The following TBC1D22A variants were observed in gnomAD, a reference collection of about 807,000 sequenced individuals.
TBC1D22A encodes the protein putative GTPase activator.
TBC1D22A carries 38 observed loss-of-function variants against 60.2 expected under a neutral mutation model. The observed-to-expected ratio is 0.63, with a 90% CI of 0.49 to 0.83. The LOEUF (loss-of-function observed/expected upper bound fraction) is 0.83. TBC1D22A is among the 40% of genes least tolerant of loss of function. TBC1D22A has a pLI of 0.00. For missense variants in TBC1D22A, 628 were observed against 701.0 expected, an observed-to-expected ratio of 0.90 and a Z score of 1.18; for synonymous variants, 302 against 281.7, an observed-to-expected ratio of 1.07 and a Z score of -0.72.
At position 47,009,652 on chromosome 22, in the gene TBC1D22A, T is replaced by C. The variant is rs117013501; in HGVS notation, c.1201+11943T>C. Among the ~76,000 whole-genome samples, 47 of 152,026 alleles carry C rather than the reference T, an allele frequency of 3.1e-4. No homozygotes were observed. The highest frequency in any genetic ancestry group is 5.3e-4 in the Non-Finnish European group (36 of 67,976). ...CATTTCATCACCGTCATCATTACCATCATCACCATCATCATCACTATCACC... is the reference window on the plus strand; with the variant it reads ...CATTTCATCACCGTCATCATTACCACCATCACCATCATCATCACTATCACC... On this transcript the variant is annotated intron_variant, in intron 10 of 12. Transcript: ENST00000337137. The surrounding 1 kb of genome is among the most constrained non-coding windows in gnomAD (Gnocchi z 5.8).
intron 4 of TBC1D22A, among the ~76,000 whole-genome samples, chr22:46,814,766 C>G (rs2085522098): frequency 2.0e-5 from 3 of 151,820 alleles, no homozygotes; most frequent in African/African-American, 7.3e-5. Context: ...CCTGCATCAG[C>G]TCCCGAGTAG....
chr22:46,995,085 G>A (rs143875244), intron 9 of TBC1D22A, among the ~76,000 whole-genome samples: 174 of 152,290 alleles, frequency 1.1e-3, no homozygotes, highest in African/African-American at 3.9e-3. Context: ...ATTAAACACC[G>A]TATTTTGGAC....
chr22:47,111,200 G>GTCTCT (rs763408904), intron 11 of TBC1D22A, among the ~76,000 whole-genome samples: 3 of 152,196 alleles, frequency 2.0e-5, no homozygotes, highest in Non-Finnish European at 4.4e-5. Flanking sequence ...CGTTGAATTT[G>GTCTCT]TCTCTTATCC....
intron 11 of TBC1D22A, among the ~76,000 whole-genome samples, chr22:47,091,352 G>T (rs989892379): frequency 8.5e-6 from 1 of 117,564 alleles, no homozygotes; most frequent in South Asian, 3.3e-4. Flanking sequence ...TCGTCTTTGG[G>T]GGGAGTGGCC....
intron 1 of TBC1D22A, among the ~76,000 whole-genome samples, chr22:46,771,663 CA>C (rs112604238): frequency 4.2e-4 from 64 of 151,440 alleles, no homozygotes; most frequent in African/African-American, 1.5e-3. Context: ...GGCGCGATCT[CA>C]GCTCATTGCA....
intron 11 of TBC1D22A, among the ~76,000 whole-genome samples, chr22:47,105,137 C>A (rs1191578414): frequency 6.6e-6 from 1 of 151,660 alleles, no homozygotes; most frequent in Non-Finnish European, 1.5e-5. Flanking sequence ...GAGTTTGATT[C>A]TTTTCGTCAA....
chr22:46,929,742 G>C (rs1950877926), intron 8 of TBC1D22A, among the ~76,000 whole-genome samples: 1 of 152,178 alleles, frequency 6.6e-6, no homozygotes, highest in Admixed American at 6.5e-5. Flanking sequence ...ATGCATGTAT[G>C]TGCATGCATG....
At chr22:46,974,172 G>A in intron 8 of TBC1D22A, 118 bp from the exon 9 acceptor site, 2 of 759,686 alleles carry the variant, frequency 2.6e-6, no homozygotes, top group East Asian at 5.4e-5. Context: ...CTAGACTGAT[G>A]AGAGTGGGTG....
intron 10 of TBC1D22A, among the ~76,000 whole-genome samples, chr22:46,999,559 A>C (rs2075239891): frequency 1.3e-5 from 2 of 152,162 alleles, no homozygotes; most frequent in African/African-American, 4.8e-5. Flanking sequence ...ATCATCCCTG[A>C]GCAAACTTGG....
intron 4 of TBC1D22A, among the ~76,000 whole-genome samples, chr22:46,808,371 A>T (rs2085240168): frequency 6.6e-6 from 1 of 152,208 alleles, no homozygotes; most frequent in Non-Finnish European, 1.5e-5. Flanking sequence ...AAATAAAAAA[A>T]AATAAAAAAA....
chr22:46,904,972 C>T (rs1261376415), intron 7 of TBC1D22A, among the ~76,000 whole-genome samples: 4 of 151,618 alleles, frequency 2.6e-5, no homozygotes, highest in Admixed American at 2.6e-4. Flanking sequence ...GACGGGGTTT[C>T]ACCGTGTTAG....
chr22:46,956,376 G>A (rs879297363), intron 8 of TBC1D22A, among the ~76,000 whole-genome samples: 2 of 152,202 alleles, frequency 1.3e-5, no homozygotes, highest in Non-Finnish European at 2.9e-5. Context: ...ACTAGGTCAG[G>A]AGATCGAGAC....
chr22:46,935,977 G>A (rs906802837), intron 8 of TBC1D22A, among the ~76,000 whole-genome samples: 8 of 152,196 alleles, frequency 5.3e-5, no homozygotes, highest in Non-Finnish European at 1.2e-4. Context: ...ACTCTGAAGC[G>A]CTGTGCTTAT....
chr22:46,884,109 A>G lies in TBC1D22A; in HGVS notation c.708+5386A>G, dbSNP rs564871067. On this transcript the variant is annotated intron_variant, in intron 5 of 12. Transcript: ENST00000337137. ...AACATTCCGCCCTCGTGGACCTCAC[A>G]TTTTGGTGGGAGAAGACAAACAATA... is the stretch of plus-strand genomic sequence containing the variant. Among the ~76,000 whole-genome samples the G allele has an allele frequency of 6.6e-5, 10 of 152,254 alleles. No homozygotes were observed. The South Asian group carries it at 1.0e-3, about 16-fold the overall frequency.
chr22:47,124,579 G>C (rs560479029), intron 12 of TBC1D22A, among the ~76,000 whole-genome samples: 3 of 152,366 alleles, frequency 2.0e-5, no homozygotes, highest in African/African-American at 7.2e-5. Context: ...ACACATGCCT[G>C]GTGTGGAGTT....
At chr22:46,896,918 A>G (rs560347532) in intron 7 of TBC1D22A, among the ~76,000 whole-genome samples, 6 of 152,218 alleles carry the variant, frequency 3.9e-5, no homozygotes, top group East Asian at 1.9e-4. Flanking sequence ...TTTCTATTCC[A>G]TGGAAAGTTA....
intron 10 of TBC1D22A, among the ~76,000 whole-genome samples, chr22:47,027,386 A>G (rs1363189560): frequency 2.0e-5 from 3 of 152,218 alleles, no homozygotes; most frequent in Middle Eastern, 3.4e-3. Flanking sequence ...TGGTGACATG[A>G]GTAAGTTCTT....
intron 12 of TBC1D22A, among the ~76,000 whole-genome samples, chr22:47,167,865 A>G (rs1312112440): frequency 1.3e-5 from 2 of 152,240 alleles, no homozygotes; most frequent in East Asian, 3.8e-4. Context: ...CAGAACTGGC[A>G]GTTAGGTGCT....
chr22:47,041,473 G>C (rs1015237723), intron 11 of TBC1D22A, among the ~76,000 whole-genome samples: 1 of 152,246 alleles, frequency 6.6e-6, no homozygotes, highest in African/African-American at 2.4e-5. Flanking sequence ...GGACTGGAGT[G>C]TGAGAATCTG....
Sources: gnomAD v4.1 joint callset for allele counts (sites outside exome capture counted in the v4.1 genomes callset) on GRCh38, gnomAD v4.1.1 for gene constraint, Gnocchi (gnomAD v3.1) non-coding constraint, MANE v1.5 for transcripts, NCBI Gene and HGNC (gene_info 2026-07-23, HGNC 2026-07-21) for gene names.